Variants in ATP2B4 observed in about 807,000 individuals in gnomAD.
ATP2B4 encodes plasma membrane calcium-transporting ATPase 4.
In ATP2B4, 39 loss-of-function variants were observed where a neutral mutation model predicts 110.3. The observed-to-expected ratio is 0.35, with a 90% CI of 0.27 to 0.46. The LOEUF is 0.46. ATP2B4 is among the 20% of genes least tolerant of loss of function. The pLI is 1.00. For missense variants in ATP2B4, 1,135 were observed against 1,530.9 expected, an observed-to-expected ratio of 0.74 and a Z score of 4.32; for synonymous variants, 538 against 571.7, an observed-to-expected ratio of 0.94 and a Z score of 0.84.
chr1:203,648,672 C>T (rs1663886322), intron 1 of ATP2B4, among the ~76,000 whole-genome samples: 1 of 152,224 alleles, frequency 6.6e-6, no homozygotes, highest in Admixed American at 6.5e-5. Context: ...CTGGTACCAC[C>T]TTTTGCCATG....
chr1:203,695,919 T>C (rs3851298), intron 2 of ATP2B4, among the ~76,000 whole-genome samples: 128,722 of 151,812 alleles, frequency 0.85, 55,097 homozygotes, highest in East Asian at 1. Context: ...CCTTTTGACA[T>C]TTAAGGTAAC....
At chr1:203,700,703 G>C in intron 5 of ATP2B4, 95 bp from the exon 6 acceptor site, 1 of 1,506,090 alleles carries the variant, frequency 6.6e-7, no homozygotes, top group East Asian at 2.3e-5. Flanking sequence ...ATGGGGTAGG[G>C]AGGAGTATTT....
At chr1:203,701,042 A>G in intron 6 of ATP2B4, 119 bp downstream of exon 6, 1 of 1,334,754 alleles carries the variant, frequency 7.5e-7, no homozygotes. Flanking sequence ...TGAAGAAAGC[A>G]GATATCCAAA....
intron 19 of ATP2B4, among the ~76,000 whole-genome samples, chr1:203,724,734 C>T (rs1200370777): frequency 6.6e-6 from 1 of 152,050 alleles, no homozygotes; most frequent in Non-Finnish European, 1.5e-5. Flanking sequence ...CTTGCCATGG[C>T]TTTATCTGGG....
chr1:203,710,799 C>A, intron 11 of ATP2B4, 78 bp from the exon 12 acceptor site: 1 of 1,181,240 alleles, frequency 8.5e-7, no homozygotes, highest in Non-Finnish European at 1.2e-6. Context: ...TACAGAGTTG[C>A]CAAAATACCT....
intron 1 of ATP2B4, among the ~76,000 whole-genome samples, chr1:203,645,939 G>A (rs968291378): frequency 2.6e-5 from 4 of 151,604 alleles, no homozygotes; most frequent in African/African-American, 9.7e-5. Context: ...CTACCTTATC[G>A]TATGATCATT....
intron 5 of ATP2B4, 68 bp from the exon 6 acceptor site, chr1:203,700,730 G>A (rs545439080): frequency 1.0e-4 from 163 of 1,591,246 alleles, no homozygotes; most frequent in Admixed American, 2.0e-4. Context: ...CTAAGTTTGT[G>A]TTTCATACCA....
rs1046870047 is a variant in ATP2B4 at position 203,740,902 on chromosome 1, G to A, written c.*1048G>A. The A allele has an allele frequency of 6.6e-6, 1 of 152,220 alleles. No homozygotes were observed. 9.4% of individuals were successfully genotyped at this position (152,220 alleles called of 1,614,324 possible). ...AGACTTTTGTGGGCTCCTCTTTGGG[G>A]TGACCACTGCTTTCAAAGCCATCTG... is the stretch of plus-strand genomic sequence containing the variant. On this transcript the variant is annotated 3_prime_UTR_variant, in exon 21 of 21. Coordinates refer to ENST00000357681, the MANE Select transcript of ATP2B4 (RefSeq NM_001684.5).
chr1:203,726,071 C>CAAA (rs58722256), intron 19 of ATP2B4, among the ~76,000 whole-genome samples: 40 of 93,226 alleles, frequency 4.3e-4, no homozygotes, highest in African/African-American at 1.3e-3. Context: ...ACTAAAAATA[C>CAAA]AAAAAAAAAA....
At position 203,740,766 on chromosome 1, in the gene ATP2B4, T is replaced by C. The variant is rs543160043; in HGVS notation, c.*912T>C. 2.0e-5 allele frequency: 3 copies of C among 152,430 alleles called. No individual in the cohort carries two copies. Among genetic ancestry groups the C allele is most frequent in the South Asian group, 2.1e-4 (1 of 4,826 alleles). 9.4% of individuals were successfully genotyped at this position (152,430 alleles called of 1,614,324 possible). ...ACCTGAAAGCCTGAGCTTTCTCTTA[T>C]TCCTAAAGTGGTGGCAAAAGAATGA... On this transcript the variant is annotated 3_prime_UTR_variant, in exon 21 of 21. Coordinates refer to ENST00000357681, the MANE Select transcript of ATP2B4 (RefSeq NM_001684.5).
At chr1:203,694,678 A>G (rs576986057) in intron 2 of ATP2B4, among the ~76,000 whole-genome samples, 2 of 152,268 alleles carry the variant, frequency 1.3e-5, no homozygotes, top group East Asian at 3.9e-4. Context: ...GTTTTACTCT[A>G]AGTAAAAGCC....
At chr1:203,722,363 T>C (rs1267927760) in intron 17 of ATP2B4, 115 bp from the exon 18 acceptor site, 1 of 811,476 alleles carries the variant, frequency 1.2e-6, no homozygotes, top group Non-Finnish European at 2.0e-6. Flanking sequence ...GCAGCTCAGA[T>C]ATTGATTAAT....
At chr1:203,728,721 G>C (rs947792358) in intron 20 of ATP2B4, among the ~76,000 whole-genome samples, 1 of 152,190 alleles carries the variant, frequency 6.6e-6, no homozygotes, top group African/African-American at 2.4e-5. Flanking sequence ...GCCGGGCGTA[G>C]TGGCACATGC....
chr1:203,719,243 AAAGCAAG>A (rs1666248876), intron 15 of ATP2B4, among the ~76,000 whole-genome samples: 1 of 99,594 alleles, frequency 1.0e-5, no homozygotes. Context: ...AAAAAAAAAA[AAAGCAAG>A]AGAGATAAAA....
At chr1:203,693,828 C>T (rs945528859) in intron 2 of ATP2B4, among the ~76,000 whole-genome samples, 6 of 152,186 alleles carry the variant, frequency 3.9e-5, no homozygotes, top group African/African-American at 1.2e-4. Context: ...CGGGACTGAG[C>T]GGGGTTCCCA....
chr1:203,657,801 C>T (rs753212099), intron 1 of ATP2B4: 18 of 556,950 alleles, frequency 3.2e-5, no homozygotes, highest in Middle Eastern at 4.8e-4. Context: ...CCCTGAGGTG[C>T]GAAAACACTC....
intron 8 of ATP2B4, among the ~76,000 whole-genome samples, chr1:203,706,148 C>T (rs534809340): frequency 2.0e-5 from 3 of 152,318 alleles, no homozygotes; most frequent in Non-Finnish European, 2.9e-5. Flanking sequence ...CTAAGCCAGT[C>T]GGTTTTGACC....
intron 1 of ATP2B4, among the ~76,000 whole-genome samples, chr1:203,628,499 A>G (rs566116038): frequency 1.3e-5 from 2 of 152,138 alleles, no homozygotes; most frequent in East Asian, 3.9e-4. Context: ...ATGAAGAAAT[A>G]GGCCGGTACT....
chr1:203,740,580 G>T lies in ATP2B4; in HGVS notation c.*726G>T, dbSNP rs1359921032. On this transcript the variant is annotated 3_prime_UTR_variant, in exon 21 of 21. Transcript: ENST00000357681. ...ATCCAACCAGTTTCTTTGTTAAAAG[G>T]GTCCTTTTGAAGCAATTAAGTGCTG... 6.6e-6 allele frequency: 1 copy of T among 151,928 alleles called. No individual in the cohort carries two copies. The highest frequency in any genetic ancestry group is 2.1e-4 in the South Asian group (1 of 4,808). The allele number at this position is 151,928 out of a possible 1,614,324, so 9.4% of individuals were successfully genotyped here.
Sources: allele counts gnomAD v4.1 joint callset (sites outside exome capture counted in the v4.1 genomes callset), GRCh38; gene constraint gnomAD v4.1.1; transcripts MANE v1.5; gene names NCBI Gene and HGNC (gene_info 2026-07-23, HGNC 2026-07-21).